UBE2B: variants seen among roughly 807,000 people sequenced by gnomAD.
The protein encoded by UBE2B is ubiquitin-conjugating enzyme E2 B.
In UBE2B, 11 loss-of-function variants were observed where a neutral mutation model predicts 24.6. That is an observed-to-expected ratio of 0.45 (90% confidence interval 0.28 to 0.74). The LOEUF is 0.74. Ranked by LOEUF, UBE2B falls within the 30% of genes least tolerant of loss-of-function variation. UBE2B has a pLI of 0.13. For missense variants in UBE2B, 78 were observed against 185.6 expected (o/e 0.42, Z 3.37); for synonymous variants, 68 against 62.4 (o/e 1.09, Z -0.42).
chr5:134,388,946 G>GTTT lies in UBE2B; in HGVS notation c.330+554_330+556dup, dbSNP rs35847901. The GTTT allele has an allele frequency of 1.9e-3, 333 of 174,314 alleles. 4 individuals carry two copies. The highest frequency in any genetic ancestry group is 4.6e-3 in the African/African-American group (83 of 17,970). 10.8% of individuals were successfully genotyped at this position (174,314 alleles called of 1,614,324 possible). On this transcript the variant is annotated intron_variant, in intron 5 of 5. Transcript: ENST00000265339. ...TTTTTTCTCTCACACTTCTTTAATT[G>GTTT]TTTTTTTTTTTTTTTTTTTTTTTGA...
chr5:134,385,005 CTA>C (rs1162870843), intron 4 of UBE2B, among the ~76,000 whole-genome samples: 2 of 152,144 alleles, frequency 1.3e-5, no homozygotes, highest in African/African-American at 4.8e-5. Flanking sequence ...CAAGGCTCAT[CTA>C]TGTTGTGATA....
intron 4 of UBE2B, among the ~76,000 whole-genome samples, chr5:134,383,058 G>T (rs1379393466): frequency 6.6e-6 from 1 of 151,944 alleles, no homozygotes; most frequent in Non-Finnish European, 1.5e-5. Context: ...CCAGCTACTC[G>T]GGAGGCTGAG....
In UBE2B at chr5:134,371,657, C is replaced by T; in HGVS notation, c.44+18C>T. 2 of 1,613,274 alleles carry T rather than the reference C, an allele frequency of 1.2e-6. No homozygotes were observed. The highest frequency in any genetic ancestry group is 1.3e-5 in the African/African-American group (1 of 74,920). On this transcript the variant is annotated intron_variant, in intron 1 of 5. Transcript: ENST00000265339. ...TTCAAGCGGTAAGGGCCTTCACCTT[C>T]GCCTAGATGACGGCCCCTCAAAGCT...
intron 5 of UBE2B, among the ~76,000 whole-genome samples, chr5:134,389,378 G>A (rs897220071): frequency 6.6e-6 from 1 of 152,146 alleles, no homozygotes; most frequent in Non-Finnish European, 1.5e-5. Flanking sequence ...CATTTGCAAA[G>A]TAACTGCAGT....
intron 4 of UBE2B, chr5:134,385,614 G>C (rs1275406470): frequency 6.6e-6 from 1 of 152,000 alleles, no homozygotes; most frequent in East Asian, 1.9e-4. Flanking sequence ...AACCCTCCCA[G>C]ATGTTCAGGA....
chr5:134,380,603 A>T (rs36007509), intron 3 of UBE2B, 116 bp from the exon 4 acceptor site: 24,650 of 665,244 alleles, frequency 0.037, 630 homozygotes, highest in Non-Finnish European at 0.051. Context: ...TGCCGAACCA[A>T]CGTTGACATA....
chr5:134,374,227 T>C (rs1409074954), intron 1 of UBE2B, among the ~76,000 whole-genome samples, 156 bp from the exon 2 acceptor site: 2 of 152,246 alleles, frequency 1.3e-5, no homozygotes, highest in African/African-American at 4.8e-5. Context: ...ACCTGGTTAA[T>C]ATATTTAAGT....
intron 4 of UBE2B, among the ~76,000 whole-genome samples, chr5:134,382,737 G>T (rs758565367): frequency 1.3e-5 from 2 of 150,994 alleles, no homozygotes. Context: ...TTGTGCCACC[G>T]CTCTCCATCC....
chr5:134,376,348 A>AAAATATATATATATATATATAT (rs1554114145), intron 2 of UBE2B, among the ~76,000 whole-genome samples: 4 of 4,774 alleles, frequency 8.4e-4, no homozygotes, highest in South Asian at 6.5e-3. Context: ...AAAAAAAAAA[A>AAAATATATATATATATATATAT]ATATATATAT....
intron 1 of UBE2B, among the ~76,000 whole-genome samples, chr5:134,373,871 G>A (rs1221952342): frequency 2.0e-5 from 3 of 152,102 alleles, no homozygotes; most frequent in African/African-American, 7.2e-5. Flanking sequence ...CATTTTCTTA[G>A]GCTAGTCTAT....
rs1455979787 is a variant in UBE2B at position 134,384,030 on chromosome 5, G to A, written c.241+3222G>A. On this transcript the variant is annotated intron_variant, in intron 4 of 5. Transcript: ENST00000265339. ...TAAATTTGGTCTTCCTTGACATCTT[G>A]CTGTTTACATCTATTACATTTATAT... is the stretch of plus-strand genomic sequence containing the variant. Among the ~76,000 whole-genome samples, 4 of 152,016 alleles carry A rather than the reference G, an allele frequency of 2.6e-5. 1 individual carries two copies. Among genetic ancestry groups the A allele is most frequent in the Non-Finnish European group, 5.9e-5 (4 of 68,020 alleles).
chr5:134,372,980 A>G (rs1351439482), intron 1 of UBE2B, among the ~76,000 whole-genome samples: 1 of 152,212 alleles, frequency 6.6e-6, no homozygotes, highest in East Asian at 1.9e-4. Flanking sequence ...AAACTAGTTC[A>G]TGTCATTGTC....
At chr5:134,380,847 G>A (rs1758696088) in intron 4 of UBE2B, 39 bp downstream of exon 4, 1 of 1,375,988 alleles carries the variant, frequency 7.3e-7, no homozygotes, top group East Asian at 2.3e-5. Context: ...TGATAGTGGG[G>A]AAAAGAGTTG....
chr5:134,386,576 G>C (rs1758805671), intron 4 of UBE2B, among the ~76,000 whole-genome samples: 2 of 151,616 alleles, frequency 1.3e-5, no homozygotes, highest in Non-Finnish European at 2.9e-5. Flanking sequence ...AGCTTGCAGT[G>C]AGTTGAGATT....
intron 4 of UBE2B, chr5:134,388,084 G>A (rs1009356207): frequency 5.8e-6 from 3 of 514,524 alleles, no homozygotes; most frequent in Non-Finnish European, 1.1e-5. Context: ...GGACTGGCGT[G>A]AGCCACCGTG....
At chr5:134,388,946 G>GTTTTTTT (rs35847901) in intron 5 of UBE2B, 34 of 174,492 alleles carry the variant, frequency 1.9e-4, no homozygotes, top group African/African-American at 6.7e-4. Flanking sequence ...TTCTTTAATT[G>GTTTTTTT]TTTTTTTTTT....
intron 5 of UBE2B, among the ~76,000 whole-genome samples, chr5:134,388,795 C>G (rs1017409761): frequency 3.9e-5 from 6 of 152,050 alleles, no homozygotes; most frequent in African/African-American, 1.4e-4. Context: ...TCGAAGCAGT[C>G]TGGCAGAATA....
intron 2 of UBE2B, among the ~76,000 whole-genome samples, chr5:134,374,973 A>G (rs1026783270): frequency 6.6e-6 from 1 of 152,196 alleles, no homozygotes; most frequent in African/African-American, 2.4e-5. Context: ...AAGTTTCAGC[A>G]GTTATATAAA....
At chr5:134,388,052 C>T (rs769430351) in intron 4 of UBE2B, 21 of 425,214 alleles carry the variant, frequency 4.9e-5, no homozygotes, top group Non-Finnish European at 8.7e-5. Flanking sequence ...ATCCTGCCTG[C>T]CTCGGCCTCC....
Sources: gnomAD v4.1 joint callset for allele counts (sites outside exome capture counted in the v4.1 genomes callset) on GRCh38, gnomAD v4.1.1 for gene constraint, MANE v1.5 for transcripts, NCBI Gene and HGNC (gene_info 2026-07-23, HGNC 2026-07-21) for gene names.